Variants in UBA52 observed in about 807,000 individuals in gnomAD.
UBA52 encodes ubiquitin A-52 residue ribosomal protein fusion product 1.
UBA52 carries 1 observed loss-of-function variant against 15.3 expected under a neutral mutation model. The observed-to-expected ratio is 0.07, with a 90% confidence interval of 0.02 to 0.31. UBA52 has a LOEUF of 0.31. UBA52 is among the 10% of genes least tolerant of loss of function. UBA52 has a pLI of 1.00. For missense variants in UBA52, 87 were observed against 168.0 expected, an observed-to-expected ratio of 0.52 and a Z score of 2.66; for synonymous variants, 50 against 58.3, an observed-to-expected ratio of 0.86 and a Z score of 0.65.
upstream of UBA52, chr19:18,568,643 G>A (rs748353532): frequency 1.2e-5 from 19 of 1,592,330 alleles, no homozygotes; most frequent in South Asian, 3.3e-5. Context: ...CCTGCTGCCC[G>A]GTGCCTTGAG....
chr19:18,573,222 T>C (rs1424090878), intron 1 of UBA52, 71 bp from the exon 2 acceptor site: 221 of 1,434,080 alleles, frequency 1.5e-4, no homozygotes, highest in Non-Finnish European at 2.4e-5. Context: ...AACTGTGGTG[T>C]AGGCACCTGA....
At position 18,576,368 on chromosome 19, in the gene UBA52, G is replaced by C. The variant is rs946264008; in HGVS notation, c.*1218G>C. Reference sequence around the variant, plus strand: ...GTAGGCTGAGGTGGGCAAATCATAAGGTCAAGAGTTTTTTAGATGGGGTGA... The same window carrying C: ...GTAGGCTGAGGTGGGCAAATCATAACGTCAAGAGTTTTTTAGATGGGGTGA... On this transcript the variant is annotated 3_prime_UTR_variant, in exon 5 of 5. Transcript: ENST00000442744. 3 of 152,230 alleles carry C rather than the reference G, an allele frequency of 2.0e-5. No homozygotes were observed. The highest frequency in any genetic ancestry group is 7.2e-5 in the African/African-American group (3 of 41,420). 9.4% of individuals were successfully genotyped at this position (152,230 alleles called of 1,614,324 possible). A position where few individuals can be genotyped will look rare whatever the true frequency, so the allele number is the denominator to read the frequency against.
At position 18,577,549 on chromosome 19, in the gene UBA52, C is replaced by T. The variant is rs1400629000; in HGVS notation, c.*2399C>T. The T allele has an allele frequency of 6.6e-6, 1 of 152,178 alleles. No individual in the cohort carries two copies. Among genetic ancestry groups the T allele is most frequent in the Non-Finnish European group, 1.5e-5 (1 of 68,046 alleles). The allele number at this position is 152,178 out of a possible 1,614,324, so 9.4% of individuals were successfully genotyped here. A position where few individuals can be genotyped will look rare whatever the true frequency, so the allele number is the denominator to read the frequency against. On this transcript the variant is annotated 3_prime_UTR_variant, in exon 5 of 5. Transcript: ENST00000442744. ...TCTTCAAAGTTAGCGAGACCAGGAA[C>T]CCATCGGCAGGAGAAACTGACTCAT...
upstream of UBA52, chr19:18,567,190 G>A (rs768004992): frequency 2.6e-5 from 42 of 1,613,954 alleles, no homozygotes; most frequent in Admixed American, 5.7e-4. Flanking sequence ...TAAGTGTCAC[G>A]CAGGGTTCCT....
rs1975590801 is a variant in UBA52 at position 18,573,151 on chromosome 19, G to A, written c.-8-142G>A. 4 of 1,103,976 alleles carry A rather than the reference G, an allele frequency of 3.6e-6. No homozygotes were observed. In the Admixed American group the frequency reaches 6.7e-5, roughly 18 times the overall value. 68.4% of individuals were successfully genotyped at this position (1,103,976 alleles called of 1,614,324 possible). On this transcript the variant is annotated intron_variant, in intron 1 of 4. Coordinates refer to ENST00000442744, the MANE Select transcript of UBA52 (RefSeq NM_001033930.3). ...GCCTAGCAGGGCCAGGCTTGGAGGA[G>A]TGAAAGGAAGACAGGTACTGGGGCA...
chr19:18,571,516 G>A (rs1262561192), upstream of UBA52, among the ~76,000 whole-genome samples: 1 of 152,196 alleles, frequency 6.6e-6, no homozygotes, highest in East Asian at 1.9e-4. Flanking sequence ...TGGACCCGCA[G>A]TCCTCTGCTT....
At chr19:18,572,078 C>T (rs1327256734) in intron 1 of UBA52, 169 bp downstream of exon 1, 4 of 152,286 alleles carry the variant, frequency 2.6e-5, no homozygotes, top group Admixed American at 2.6e-4. Flanking sequence ...GAGGCGAGCG[C>T]CGTTTTGGAG....
intron 1 of UBA52, chr19:18,573,075 T>G (rs1975586626): frequency 1.6e-6 from 2 of 1,289,146 alleles, no homozygotes; most frequent in South Asian, 3.1e-5. Context: ...GGAGGACATG[T>G]GGTCTTTAGT....
rs1410410822 is a variant in UBA52, at chr19:18,575,308, T to C, written c.*158T>C. ...GAGTGGGCATCTCCCTTAGGGACTC[T>C]ACTCAGCACTCCATTCTGTGCCACC... On this transcript the variant is annotated 3_prime_UTR_variant, in exon 5 of 5. Coordinates refer to ENST00000442744, the MANE Select transcript of UBA52 (RefSeq NM_001033930.3). 1.3e-6 allele frequency: 1 copy of C among 768,914 alleles called. No homozygotes were observed. Among genetic ancestry groups the C allele is most frequent in the Non-Finnish European group, 2.1e-6 (1 of 476,744 alleles). The allele number at this position is 768,914 out of a possible 1,614,324, so 47.6% of individuals were successfully genotyped here.
rs940019352 is a variant in UBA52, at chr19:18,575,579, C to G, written c.*429C>G. 1 of 200,310 alleles carries G rather than the reference C, an allele frequency of 5.0e-6. No homozygotes were observed. The highest frequency in any genetic ancestry group is 2.3e-5 in the African/African-American group (1 of 42,652). The allele number at this position is 200,310 out of a possible 1,614,324, so 12.4% of individuals were successfully genotyped here. A position where few individuals can be genotyped will look rare whatever the true frequency, so the allele number is the denominator to read the frequency against. ...ATTAGGTACACCCAATGGTGTAGAA[C>G]GTTGATTCTCAAATTTTTTTATTTT... On this transcript the variant is annotated 3_prime_UTR_variant, in exon 5 of 5. Coordinates refer to ENST00000442744, the MANE Select transcript of UBA52 (RefSeq NM_001033930.3).
At chr19:18,568,748 GGCT>G, upstream of UBA52, 1 of 725,176 alleles carries the variant, frequency 1.4e-6, no homozygotes, top group Admixed American at 2.7e-5. Flanking sequence ...TGTCACCCAG[GGCT>G]CCTAGGGGGA....
At chr19:18,569,315 C>T (rs1975406145), upstream of UBA52, 1 of 152,514 alleles carries the variant, frequency 6.6e-6, no homozygotes. Context: ...ATTTTTGTAC[C>T]CGATGTTTAC....
At chr19:18,572,936 GGAT>G in intron 1 of UBA52, 1 of 1,107,344 alleles carries the variant, frequency 9.0e-7, no homozygotes, top group Non-Finnish European at 1.1e-6. Flanking sequence ...CAGGGAAGAT[GGAT>G]CTAGCAAGAT....
rs1483318356 is a variant in UBA52 at position 18,574,773 on chromosome 19, G to C, written c.191-97G>C. ...CCGACTTGGTGTCCCCATCACACTT[G>C]AGAAAGCAGCAGACTATAGGCCCTG... On this transcript the variant is annotated intron_variant, in intron 3 of 4. Coordinates refer to ENST00000442744, the MANE Select transcript of UBA52 (RefSeq NM_001033930.3). The C allele has an allele frequency of 2.0e-6, 3 of 1,470,906 alleles. No individual in the cohort carries two copies. In the East Asian group the frequency reaches 7.2e-5, roughly 35 times the overall value. 91.1% of individuals were successfully genotyped at this position (1,470,906 alleles called of 1,614,324 possible).
upstream of UBA52, among the ~76,000 whole-genome samples, chr19:18,571,134 A>G (rs1057115882): frequency 8.0e-5 from 12 of 150,438 alleles, no homozygotes; most frequent in Admixed American, 5.3e-4. Flanking sequence ...AACATGGAGA[A>G]ACCCCGTCTC....
chr19:18,569,430 G>A (rs1456428081), upstream of UBA52: 1 of 152,944 alleles, frequency 6.5e-6, no homozygotes, highest in Non-Finnish European at 1.5e-5. Flanking sequence ...CCCAAAAGGA[G>A]GGCAAGTGCT....
At chr19:18,573,867 G>A in intron 3 of UBA52, 119 bp downstream of exon 3, 1 of 956,962 alleles carries the variant, frequency 1.0e-6, no homozygotes, top group Non-Finnish European at 1.6e-6. Flanking sequence ...TTAAAATAAT[G>A]GGACTGGGCA....
At chr19:18,565,143 C>T in the UBA52 span, 51 of 1,495,552 alleles carry the variant, frequency 3.4e-5, no homozygotes, top group East Asian at 9.3e-5. Flanking sequence ...GGCTTCACTG[C>T]GCACTTAAGT....
upstream of UBA52, chr19:18,568,261 G>A (rs1267380376): frequency 9.3e-6 from 6 of 646,242 alleles, no homozygotes; most frequent in Admixed American, 2.6e-5. Context: ...GCGAAACTCC[G>A]TCTCAAAAAA....
Sources: allele counts gnomAD v4.1 joint callset (sites outside exome capture counted in the v4.1 genomes callset), GRCh38; gene constraint gnomAD v4.1.1; transcripts MANE v1.5; gene names NCBI Gene and HGNC (gene_info 2026-07-23, HGNC 2026-07-21).